The following CAMK2D variants were observed in gnomAD, a reference collection of about 807,000 sequenced individuals.
CAMK2D encodes the protein calcium/calmodulin-dependent protein kinase type II subunit delta.
In CAMK2D, 37 loss-of-function variants were observed where a neutral mutation model predicts 84.0. The ratio of observed to expected loss-of-function variants is 0.44; its 90% CI spans 0.34 to 0.58. CAMK2D has a LOEUF of 0.58. Among genes scored for constraint, CAMK2D ranks in the 20% least tolerant of loss-of-function variants. The pLI, the probability that CAMK2D is intolerant of heterozygous loss-of-function variation, is 0.02. For synonymous variants in CAMK2D, 202 were observed against 212.5 expected (o/e 0.95, Z 0.43); for missense variants, 448 against 652.5 (o/e 0.69, Z 3.41).
intron 12 of CAMK2D, among the ~76,000 whole-genome samples, chr4:113,511,262 G>C (rs940827266): frequency 6.6e-6 from 1 of 151,872 alleles, no homozygotes; most frequent in Admixed American, 6.6e-5. Flanking sequence ...ACAAGATGTT[G>C]TAACTGGGTC....
chr4:113,663,553 C>T (rs992576364), intron 2 of CAMK2D, among the ~76,000 whole-genome samples: 21 of 151,338 alleles, frequency 1.4e-4, no homozygotes, highest in African/African-American at 4.4e-4. Flanking sequence ...CGTGCCGCTG[C>T]ACTCCAGCCT....
chr4:113,694,669 C>T (rs893176182), intron 2 of CAMK2D, among the ~76,000 whole-genome samples: 1 of 152,122 alleles, frequency 6.6e-6, no homozygotes, highest in Non-Finnish European at 1.5e-5. Flanking sequence ...TGCTTCATCC[C>T]ATCCATATAT....
intron 4 of CAMK2D, among the ~76,000 whole-genome samples, chr4:113,598,494 T>C (rs1048221018): frequency 6.6e-6 from 1 of 152,144 alleles, no homozygotes; most frequent in Non-Finnish European, 1.5e-5. Flanking sequence ...ACTTTTTAGA[T>C]ATAAGACCAA....
intron 2 of CAMK2D, among the ~76,000 whole-genome samples, chr4:113,732,859 T>C (rs993581304): frequency 6.6e-6 from 1 of 152,164 alleles, no homozygotes; most frequent in African/African-American, 2.4e-5. Flanking sequence ...TCAAAATATA[T>C]ATATATTAGG....
chr4:113,533,614 C>A, intron 7 of CAMK2D, among the ~76,000 whole-genome samples: 1 of 150,584 alleles, frequency 6.6e-6, no homozygotes, highest in East Asian at 1.9e-4. Context: ...GACATAACAG[C>A]AACAAAGCAA....
chr4:113,702,844 A>T (rs1188013614), intron 2 of CAMK2D, among the ~76,000 whole-genome samples: 1 of 152,194 alleles, frequency 6.6e-6, no homozygotes, highest in Non-Finnish European at 1.5e-5. Flanking sequence ...GGCTACAGTG[A>T]GCTGTGATTG....
chr4:113,631,498 A>T (rs1327816767), intron 3 of CAMK2D, among the ~76,000 whole-genome samples: 4 of 152,182 alleles, frequency 2.6e-5, no homozygotes, highest in Admixed American at 1.3e-4. Context: ...TAACTGTGAG[A>T]ATCTGCTAGC....
chr4:113,684,377 A>G (rs2099353780), intron 2 of CAMK2D, among the ~76,000 whole-genome samples: 1 of 152,216 alleles, frequency 6.6e-6, no homozygotes, highest in African/African-American at 2.4e-5. Context: ...CAAATCTCTT[A>G]GGCAAACTCA....
At chr4:113,556,648 C>T (rs1158790953) in intron 4 of CAMK2D, among the ~76,000 whole-genome samples, 2 of 152,120 alleles carry the variant, frequency 1.3e-5, no homozygotes, top group Non-Finnish European at 2.9e-5. Context: ...TGTCAGCGTG[C>T]CAACCAGTGT....
At chr4:113,698,216 C>CAGTAGAA (rs1429742056) in intron 2 of CAMK2D, among the ~76,000 whole-genome samples, 2 of 152,036 alleles carry the variant, frequency 1.3e-5, no homozygotes, top group African/African-American at 4.8e-5. Context: ...TATGGTTAAT[C>CAGTAGAA]AAATTACAGT....
chr4:113,569,974 G>T (rs1358747354), intron 4 of CAMK2D, among the ~76,000 whole-genome samples: 1 of 151,790 alleles, frequency 6.6e-6, no homozygotes, highest in East Asian at 1.9e-4. Context: ...ACAAAAATCA[G>T]TAGTATTTCA....
At chr4:113,744,028 G>T (rs1177232532) in intron 2 of CAMK2D, among the ~76,000 whole-genome samples, 1 of 152,066 alleles carries the variant, frequency 6.6e-6, no homozygotes, top group Non-Finnish European at 1.5e-5. Context: ...TTTTAGTAGA[G>T]AAGGGGTTTT....
chr4:113,718,914 T>A (rs1466728520), intron 2 of CAMK2D, among the ~76,000 whole-genome samples: 1 of 152,164 alleles, frequency 6.6e-6, no homozygotes, highest in Non-Finnish European at 1.5e-5. Flanking sequence ...AGTGACAAAT[T>A]TTTTTGAGAA....
At chr4:113,549,907 A>G (rs553149425) in intron 5 of CAMK2D, among the ~76,000 whole-genome samples, 1 of 152,266 alleles carries the variant, frequency 6.6e-6, no homozygotes, top group East Asian at 1.9e-4. Context: ...ATTGCTGTTG[A>G]CTACATTGTT....
intron 3 of CAMK2D, among the ~76,000 whole-genome samples, chr4:113,656,949 C>T (rs1032056255): frequency 1.1e-4 from 17 of 152,116 alleles, no homozygotes; most frequent in African/African-American, 4.1e-4. Context: ...AGTGATTTCC[C>T]ACCTTTGATA....
intron 8 of CAMK2D, among the ~76,000 whole-genome samples, chr4:113,529,829 T>C (rs577714344): frequency 6.6e-6 from 1 of 152,294 alleles, no homozygotes; most frequent in African/African-American, 2.4e-5. Flanking sequence ...GCAAACATAA[T>C]ACTTATTGGA....
chr4:113,694,616 A>G (rs1286715434), intron 2 of CAMK2D, among the ~76,000 whole-genome samples: 1 of 152,180 alleles, frequency 6.6e-6, no homozygotes, highest in African/African-American at 2.4e-5. Context: ...TTGGACAGAT[A>G]GGAGGGGCAG....
intron 7 of CAMK2D, among the ~76,000 whole-genome samples, chr4:113,533,560 T>G (rs547327258): frequency 6.6e-6 from 1 of 152,116 alleles, no homozygotes; most frequent in East Asian, 1.9e-4. Context: ...ATGTATCCAT[T>G]GTAACACATT....
At chr4:113,514,951 T>G (rs915855235) in intron 10 of CAMK2D, 118 bp downstream of exon 10, 4 of 999,588 alleles carry the variant, frequency 4.0e-6, no homozygotes, top group Non-Finnish European at 6.1e-6. Flanking sequence ...GAGTCAAAAA[T>G]TCATTCATTC....
Sources: allele counts gnomAD v4.1 joint callset (sites outside exome capture counted in the v4.1 genomes callset), GRCh38; gene constraint gnomAD v4.1.1; transcripts MANE v1.5; gene names NCBI Gene and HGNC (gene_info 2026-07-23, HGNC 2026-07-21).